The following CSNK1E variants were observed in gnomAD, a reference collection of about 807,000 sequenced individuals.
CSNK1E encodes the protein casein kinase I isoform epsilon.
In CSNK1E, 17 loss-of-function variants were observed where a neutral mutation model predicts 46.1. The observed-to-expected ratio is 0.37, with a 90% CI of 0.25 to 0.55. The LOEUF (loss-of-function observed/expected upper bound fraction) is 0.55. CSNK1E is among the 20% of genes least tolerant of loss of function. The probability of loss-of-function intolerance (pLI) is 0.82; values close to 1 mark genes in which losing one functional copy is unlikely to be tolerated. For missense variants in CSNK1E, 386 were observed against 595.4 expected (o/e 0.65, Z 3.66); for synonymous variants, 241 against 242.6 (o/e 0.99, Z 0.06).
chr22:38,293,519 T>C (rs2092622992), intron 9 of CSNK1E, among the ~76,000 whole-genome samples, 200 bp from the exon 10 acceptor site: 1 of 151,808 alleles, frequency 6.6e-6, no homozygotes, highest in South Asian at 2.1e-4. Context: ...TGTCCCTGTC[T>C]GTAGCTAAGA....
chr22:38,293,536 C>T lies in CSNK1E; in HGVS notation c.1219-217G>A, dbSNP rs115545508. Among the ~76,000 whole-genome samples, 1,269 of 151,540 alleles carry T rather than the reference C, an allele frequency of 8.4e-3. 19 individuals are homozygous for T. The highest frequency in any genetic ancestry group is 0.029 in the African/African-American group (1,212 of 41,242). ...TCCCTGTCTGTAGCTAAGAATGTTGCCCAGGGAGGCAAACCTGCTACCTAA... is the reference window on the plus strand; with the variant it reads ...TCCCTGTCTGTAGCTAAGAATGTTGTCCAGGGAGGCAAACCTGCTACCTAA... On this transcript the variant is annotated intron_variant, in intron 9 of 10. Coordinates refer to ENST00000396832, the MANE Select transcript of CSNK1E (RefSeq NM_152221.3).
At chr22:38,299,114 C>A (rs2092657265) in intron 6 of CSNK1E, among the ~76,000 whole-genome samples, 180 bp from the exon 7 acceptor site, 1 of 152,204 alleles carries the variant, frequency 6.6e-6, no homozygotes, top group South Asian at 2.1e-4. Context: ...GCCTAGCCTG[C>A]CCGTGAGCAG....
At chr22:38,315,650 C>G (rs1036849142) in intron 1 of CSNK1E, among the ~76,000 whole-genome samples, 4 of 38,612 alleles carry the variant, frequency 1.0e-4, no homozygotes, top group Admixed American at 7.2e-4. Context: ...GGGGTGTGCA[C>G]GCAACCCCCC....
intron 9 of CSNK1E, among the ~76,000 whole-genome samples, 157 bp from the exon 10 acceptor site, chr22:38,293,476 G>A (rs1429573005): frequency 2.6e-5 from 4 of 151,726 alleles, no homozygotes; most frequent in African/African-American, 9.7e-5. Flanking sequence ...CTCAAGCTGA[G>A]GGAAGGCCTG....
At chr22:38,314,006 C>T (rs2092732522) in intron 2 of CSNK1E, 76 bp downstream of exon 2, 1 of 1,350,288 alleles carries the variant, frequency 7.4e-7, no homozygotes, top group East Asian at 2.3e-5. Flanking sequence ...TTCAGATCCC[C>T]AAATCCTGGG....
rs750631609 is a variant in CSNK1E, at chr22:38,303,238, G to A, written c.87C>T (p.Ile29=). ...SFGDIYLGAN[I]ASGEEVAIKL... is the part of the protein sequence containing the mutation. ...TGATGGCGACTTCCTCACCAGAGGC[G>A]ATGTTGGCACCTGCCCGGGGCAGGG... is the stretch of plus-strand genomic sequence containing the variant. Residue 29 remains isoleucine (I), a synonymous_variant, in exon 3 of 11, where the codon ATC becomes ATT. Coordinates refer to ENST00000396832, the MANE Select transcript of CSNK1E (RefSeq NM_152221.3). This position sits in a 1 kb window ranked among gnomAD's most constrained non-coding sequence, Gnocchi z 4.7. 12 of 1,604,412 alleles carry A rather than the reference G, an allele frequency of 7.5e-6. No homozygotes were observed. The highest frequency in any genetic ancestry group is 9.4e-6 in the Non-Finnish European group (11 of 1,176,398).
intron 7 of CSNK1E, chr22:38,297,459 T>G (rs2092646952): frequency 3.0e-6 from 2 of 668,320 alleles, no homozygotes; most frequent in Non-Finnish European, 4.0e-6. Flanking sequence ...GACCTCTGTG[T>G]TACTCCTTAG....
Position 38,293,265 on chromosome 22 carries a change from A to G in CSNK1E, c.*22T>C, listed in dbSNP as rs762304380. The G allele has an allele frequency of 6.2e-7, 1 of 1,612,594 alleles. No individual in the cohort carries two copies. Among genetic ancestry groups the G allele is most frequent in the Non-Finnish European group, 8.5e-7 (1 of 1,179,516 alleles). On this transcript the variant is annotated 3_prime_UTR_variant, in exon 10 of 11. Transcript: ENST00000396832. ...CAGTCATGGACTCACCTAAGCAAAC[A>G]CTGGTCCAATGGGGGCTCTCCTCAC...
rs1216703861 is a variant in CSNK1E at position 38,294,136 on chromosome 22, T to C, written c.1191A>G (p.Gln397=). 2 of 1,611,202 alleles carry C rather than the reference T, an allele frequency of 1.2e-6. No individual in the cohort carries two copies. The highest frequency in any genetic ancestry group is 2.2e-5 in the East Asian group (1 of 44,864). Residue 397 remains glutamine (Q), a synonymous_variant, in exon 9 of 11, where the codon CAA becomes CAG. Transcript: ENST00000396832. The surrounding 1 kb of genome is among the most constrained non-coding windows in gnomAD (Gnocchi z 5.5). The part of the protein sequence containing the change: ...NVSSSDLTGR[Q]EVSRIPASQT... ...GTGAGGCTGGGATCCGGGAGACCTC[T>C]TGCCGCCCAGTGAGGTCTGAGGAGG...
rs902375898 is a variant in CSNK1E at position 38,294,573 on chromosome 22, G to C, written c.886-39C>G. On this transcript the variant is annotated intron_variant, in intron 7 of 10. Coordinates refer to ENST00000396832, the MANE Select transcript of CSNK1E (RefSeq NM_152221.3). This position sits in a 1 kb window ranked among gnomAD's most constrained non-coding sequence, Gnocchi z 5.5. ...AGAAAAGACACCAGTCAGCCCCAGA[G>C]GCCAGGGTGCTCTGGGCCCAGCAGC... is the stretch of plus-strand genomic sequence containing the variant. 3.9e-6 allele frequency: 6 copies of C among 1,537,786 alleles called. No individual in the cohort carries two copies. Among genetic ancestry groups the C allele is most frequent in the Non-Finnish European group, 5.2e-6 (6 of 1,144,548 alleles).
At chr22:38,307,888 T>G (rs914042758) in intron 2 of CSNK1E, among the ~76,000 whole-genome samples, 1 of 152,144 alleles carries the variant, frequency 6.6e-6, no homozygotes, top group Non-Finnish European at 1.5e-5. Flanking sequence ...TAGACAGGGT[T>G]TGCCATCTCT....
In CSNK1E at chr22:38,302,924, G is replaced by A. The variant is rs1302265412; in HGVS notation, c.273C>T (p.Asp91=). Residue 91 remains aspartate, a synonymous_variant, in exon 4 of 11, where the codon GAC becomes GAT. Transcript: ENST00000396832. ...VMELLGPSLE[D]LFNFCSRKFS... is the part of the protein sequence containing the mutation. ...ATTTGCGGGAACAGAAGTTGAACAGGTCCTCGAGGCTAGGCCCCAGCAGCT... is the reference window on the plus strand; with the variant it reads ...ATTTGCGGGAACAGAAGTTGAACAGATCCTCGAGGCTAGGCCCCAGCAGCT... 1.2e-6 allele frequency: 2 copies of A among 1,614,090 alleles called. No individual in the cohort carries two copies. Among genetic ancestry groups the A allele is most frequent in the Non-Finnish European group, 1.7e-6 (2 of 1,180,016 alleles).
rs373227577 is a variant in CSNK1E, at chr22:38,303,242, T to C, written c.83A>G (p.Asn28Ser). The C allele has an allele frequency of 5.0e-6, 8 of 1,603,186 alleles. No homozygotes were observed. The highest frequency in any genetic ancestry group is 3.4e-4 in the Middle Eastern group (2 of 5,926). ...GSFGDIYLGA[N>S]IASGEEVAIK... ...GGCGACTTCCTCACCAGAGGCGATG[T>C]TGGCACCTGCCCGGGGCAGGGAGGC... The change falls in exon 3 of 11, where the codon AAC becomes AGC. Residue 28 changes from asparagine (N) to serine (S), a missense_variant. Asn to Ser is a conservative substitution (Grantham distance 46). Around this residue, in one of 2 missense-constraint regions of CSNK1E, gnomAD observed 212 missense variants for 410.2 expected, o/e 0.52. Transcript: ENST00000396832. This position sits in a 1 kb window ranked among gnomAD's most constrained non-coding sequence, Gnocchi z 4.7.
In CSNK1E at chr22:38,302,870, G is replaced by A. The variant is rs779317320; in HGVS notation, c.327C>T (p.Ala109=). ...KFSLKTVLLL[A]DQMISRIEYI... ...GGGGACGGGGACTCACCATCTGGTC[G>A]GCCAAGAGCAGCACCGTCTTGAGGC... Residue 109 remains alanine, a synonymous_variant, in exon 4 of 11, where the codon GCC becomes GCT. Coordinates refer to ENST00000396832, the MANE Select transcript of CSNK1E (RefSeq NM_152221.3). 55 of 1,613,966 alleles carry A rather than the reference G, an allele frequency of 3.4e-5. No homozygotes were observed. The highest frequency in any genetic ancestry group is 4.4e-5 in the Non-Finnish European group (52 of 1,180,000).
rs192247907 is a variant in CSNK1E, at chr22:38,291,523, C to T, written c.*448G>A. Reference sequence around the variant, plus strand: ...TGCGTATCTCCTGGATTCTGAGGCTCGGAAAACTCGGTGGGAACTGCCTTC... The same window carrying T: ...TGCGTATCTCCTGGATTCTGAGGCTTGGAAAACTCGGTGGGAACTGCCTTC... On this transcript the variant is annotated 3_prime_UTR_variant, in exon 11 of 11. Coordinates refer to ENST00000396832, the MANE Select transcript of CSNK1E (RefSeq NM_152221.3). 5.3e-5 allele frequency: 8 copies of T among 152,368 alleles called. No individual in the cohort carries two copies. The highest frequency in any genetic ancestry group is 1.2e-4 in the Non-Finnish European group (8 of 68,098). 9.4% of individuals were successfully genotyped at this position (152,368 alleles called of 1,614,324 possible).
chr22:38,301,839 C>T (rs188071771), intron 4 of CSNK1E, among the ~76,000 whole-genome samples: 2 of 152,246 alleles, frequency 1.3e-5, no homozygotes, highest in East Asian at 3.9e-4. Context: ...GAGTTTCACA[C>T]CATGAGGGGC....
Position 38,294,682 on chromosome 22 carries a change from C to A in CSNK1E, c.886-148G>T. Reference sequence around the variant, plus strand: ...AGCCTCCCTGACAAGCGCGGGAAGCCAAGACCCACAATCACACAGCACAGA... The same window carrying A: ...AGCCTCCCTGACAAGCGCGGGAAGCAAAGACCCACAATCACACAGCACAGA... On this transcript the variant is annotated intron_variant, in intron 7 of 10. Coordinates refer to ENST00000396832, the MANE Select transcript of CSNK1E (RefSeq NM_152221.3). This position sits in a 1 kb window ranked among gnomAD's most constrained non-coding sequence, Gnocchi z 5.5. The A allele has an allele frequency of 1.4e-6, 1 of 704,380 alleles. No individual in the cohort carries two copies. The highest frequency in any genetic ancestry group is 2.3e-6 in the Non-Finnish European group (1 of 436,886). 43.6% of individuals were successfully genotyped at this position (704,380 alleles called of 1,614,324 possible). A position where few individuals can be genotyped will look rare whatever the true frequency, so the allele number is the denominator to read the frequency against.
intron 2 of CSNK1E, among the ~76,000 whole-genome samples, chr22:38,308,644 T>C (rs1000937690): frequency 3.9e-5 from 6 of 152,066 alleles, no homozygotes; most frequent in African/African-American, 1.2e-4. Context: ...TCCATGATGT[T>C]CGGCTTGGTG....
At chr22:38,299,858 G>A (rs757907710) in intron 6 of CSNK1E, 37 bp downstream of exon 6, 1 of 1,603,824 alleles carries the variant, frequency 6.2e-7, no homozygotes, top group Non-Finnish European at 8.5e-7. Context: ...GTGCCTCAGG[G>A]GCCCCCAGGC....
Sources: gnomAD v4.1 joint callset for allele counts (sites outside exome capture counted in the v4.1 genomes callset) on GRCh38, gnomAD v4.1.1 for gene constraint, gnomAD v4.1.1 regional missense constraint, Gnocchi (gnomAD v3.1) non-coding constraint, MANE v1.5 for transcripts, NCBI Gene and HGNC (gene_info 2026-07-23, HGNC 2026-07-21) for gene names.